FAM135B: variants seen among roughly 807,000 people sequenced by gnomAD.
FAM135B encodes protein FAM135B.
In FAM135B, 43 loss-of-function variants were observed where a neutral mutation model predicts 127.7. The observed-to-expected ratio is 0.34, with a 90% confidence interval of 0.26 to 0.43. The LOEUF (loss-of-function observed/expected upper bound fraction) is 0.43, where lower values mean the gene tolerates loss of function less well. FAM135B is among the 20% of genes least tolerant of loss of function. The pLI is 1.00. For missense variants in FAM135B, 1,558 were observed against 1,725.6 expected, an observed-to-expected ratio of 0.90 and a Z score of 1.72; for synonymous variants, 670 against 665.1, an observed-to-expected ratio of 1.01 and a Z score of -0.11.
chr8:138,488,431 A>C (rs992386377), intron 1 of FAM135B, among the ~76,000 whole-genome samples: 2 of 151,982 alleles, frequency 1.3e-5, no homozygotes, highest in Admixed American at 6.6e-5. Flanking sequence ...TTTTGAGGAA[A>C]AAAAAAAAAG....
chr8:138,405,326 C>T (rs1466745968), intron 1 of FAM135B, among the ~76,000 whole-genome samples: 2 of 149,260 alleles, frequency 1.3e-5, no homozygotes, highest in Admixed American at 6.7e-5. Flanking sequence ...CCCATTAACT[C>T]GTCATTTAGC....
chr8:138,155,659 A>G (rs948316469), intron 12 of FAM135B, among the ~76,000 whole-genome samples: 1 of 152,208 alleles, frequency 6.6e-6, no homozygotes, highest in African/African-American at 2.4e-5. Context: ...GTCTCTGATA[A>G]AACAGGCTTT....
chr8:138,426,521 A>G (rs926146955), intron 1 of FAM135B, among the ~76,000 whole-genome samples: 6 of 150,876 alleles, frequency 4.0e-5, no homozygotes, highest in African/African-American at 1.5e-4. Flanking sequence ...TGTATAATAT[A>G]TGTATACATA....
chr8:138,387,220 G>A (rs941021539), intron 1 of FAM135B, among the ~76,000 whole-genome samples: 13 of 152,164 alleles, frequency 8.5e-5, no homozygotes, highest in African/African-American at 3.1e-4. Context: ...GCTGAGTAGG[G>A]AGGGAAGAGG....
At chr8:138,442,550 C>T (rs1035235066) in intron 1 of FAM135B, among the ~76,000 whole-genome samples, 4 of 151,730 alleles carry the variant, frequency 2.6e-5, no homozygotes, top group Non-Finnish European at 4.4e-5. Context: ...TGTGTTGTCT[C>T]AACCTGACCT....
intron 9 of FAM135B, among the ~76,000 whole-genome samples, chr8:138,192,390 T>C (rs779431437): frequency 3.3e-5 from 5 of 152,238 alleles, no homozygotes; most frequent in African/African-American, 4.8e-5. Flanking sequence ...CCTGGTGAAC[T>C]AGACTGCCTT....
At chr8:138,435,166 C>A (rs1162124595) in intron 1 of FAM135B, among the ~76,000 whole-genome samples, 1 of 152,068 alleles carries the variant, frequency 6.6e-6, no homozygotes, top group African/African-American at 2.4e-5. Flanking sequence ...GACGTCGTGG[C>A]AGGCGCCTGT....
At chr8:138,365,143 G>A (rs902436969) in intron 2 of FAM135B, among the ~76,000 whole-genome samples, 4 of 152,120 alleles carry the variant, frequency 2.6e-5, no homozygotes, top group Non-Finnish European at 4.4e-5. Flanking sequence ...CACCATGCCT[G>A]GCTGATCACG....
upstream of FAM135B, among the ~76,000 whole-genome samples, chr8:138,497,470 C>T (rs1163029081): frequency 6.6e-6 from 1 of 152,144 alleles, no homozygotes; most frequent in Non-Finnish European, 1.5e-5. Context: ...CCTCTCGAGC[C>T]AAGACCCCAG....
chr8:138,433,348 C>T (rs1563998597), intron 1 of FAM135B, among the ~76,000 whole-genome samples: 1 of 151,590 alleles, frequency 6.6e-6, no homozygotes, highest in Non-Finnish European at 1.5e-5. Flanking sequence ...ATGGTGAAAC[C>T]CCGTCTCTAT....
intron 4 of FAM135B, among the ~76,000 whole-genome samples, chr8:138,264,656 C>T (rs930009294): frequency 6.6e-6 from 1 of 152,112 alleles, no homozygotes; most frequent in African/African-American, 2.4e-5. Context: ...ATAGTAGGTG[C>T]TTAGTGAGTA....
At chr8:138,381,330 A>G (rs1216408195) in intron 1 of FAM135B, among the ~76,000 whole-genome samples, 1 of 152,086 alleles carries the variant, frequency 6.6e-6, no homozygotes, top group Non-Finnish European at 1.5e-5. Context: ...TGGAGGGCCC[A>G]CCTTGCACCT....
chr8:138,243,214 G>A lies in FAM135B; in HGVS notation c.543-146C>T, dbSNP rs1285520807. The stretch of plus-strand genomic sequence containing the variant: ...CACCCCCTAGGGAGTGTTTGCATGT[G>A]ACATTTGTGGATATTTTGATGATAA... On this transcript the variant is annotated intron_variant, in intron 6 of 19. Coordinates refer to ENST00000395297, the MANE Select transcript of FAM135B (RefSeq NM_015912.4). This position sits in a 1 kb window ranked among gnomAD's most constrained non-coding sequence, Gnocchi z 7.5. 2.3e-6 allele frequency: 2 copies of A among 883,264 alleles called. No homozygotes were observed. The highest frequency in any genetic ancestry group is 1.7e-5 in the African/African-American group (1 of 58,630). 54.7% of individuals were successfully genotyped at this position (883,264 alleles called of 1,614,324 possible).
intron 1 of FAM135B, among the ~76,000 whole-genome samples, chr8:138,475,505 C>T (rs1814371609): frequency 6.6e-6 from 1 of 152,200 alleles, no homozygotes; most frequent in Admixed American, 6.6e-5. Context: ...AGTAGCATCA[C>T]TACCATCTAC....
intron 8 of FAM135B, among the ~76,000 whole-genome samples, chr8:138,196,656 T>G (rs1275633730): frequency 6.6e-6 from 1 of 152,208 alleles, no homozygotes; most frequent in African/African-American, 2.4e-5. Flanking sequence ...GAAGTCAATG[T>G]ACCCAGCAGG....
intron 1 of FAM135B, among the ~76,000 whole-genome samples, chr8:138,473,252 C>T (rs1354415527): frequency 6.6e-6 from 1 of 152,120 alleles, no homozygotes; most frequent in Non-Finnish European, 1.5e-5. Context: ...CCTGACCCAA[C>T]AGACAGCCAC....
chr8:138,345,909 T>A (rs1829376432), intron 2 of FAM135B, among the ~76,000 whole-genome samples: 1 of 150,462 alleles, frequency 6.6e-6, no homozygotes, highest in Non-Finnish European at 1.5e-5. Flanking sequence ...AATCCATCCA[T>A]CTGACAAAGG....
chr8:138,453,105 C>A (rs1469747483), intron 1 of FAM135B, among the ~76,000 whole-genome samples: 1 of 152,082 alleles, frequency 6.6e-6, no homozygotes, highest in Non-Finnish European at 1.5e-5. Context: ...CCGGACAGCA[C>A]AAGAACACCA....
chr8:138,216,429 C>T (rs1370991990), intron 7 of FAM135B, among the ~76,000 whole-genome samples: 3 of 152,078 alleles, frequency 2.0e-5, no homozygotes, highest in Non-Finnish European at 4.4e-5. Context: ...CTTCACCAGG[C>T]CTTCAGCCTG....
Sources: gnomAD v4.1 joint callset for allele counts (sites outside exome capture counted in the v4.1 genomes callset) on GRCh38, gnomAD v4.1.1 for gene constraint, Gnocchi (gnomAD v3.1) non-coding constraint, MANE v1.5 for transcripts, NCBI Gene and HGNC (gene_info 2026-07-23, HGNC 2026-07-21) for gene names.